The following M1AP variants were observed in gnomAD, a reference collection of about 807,000 sequenced individuals.
M1AP encodes meiosis 1 arrest protein.
A neutral mutation model predicts 51.2 loss-of-function variants in M1AP; 39 were observed. The ratio of observed to expected loss-of-function variants is 0.76; its 90% CI spans 0.59 to 1.00. The LOEUF is 1.00. M1AP is among the 50% of genes least tolerant of loss of function. The pLI is 0.00. For synonymous variants in M1AP, 251 were observed against 249.2 expected, an observed-to-expected ratio of 1.01 and a Z score of -0.07; for missense variants, 545 against 641.2, an observed-to-expected ratio of 0.85 and a Z score of 1.62.
intron 3 of M1AP, among the ~76,000 whole-genome samples, chr2:74,611,058 T>C (rs529342997): frequency 2.8e-4 from 42 of 152,314 alleles, no homozygotes; most frequent in Non-Finnish European, 4.7e-4. Flanking sequence ...ATCTTTTTGA[T>C]GTGCTATTGG....
chr2:74,642,746 T>C (rs17010125), intron 1 of M1AP, among the ~76,000 whole-genome samples: 6,772 of 152,322 alleles, frequency 0.044, 507 homozygotes, highest in African/African-American at 0.15. Flanking sequence ...TTGTCTTTTG[T>C]CAAATTTTAG....
rs771614045 is a variant in M1AP at position 74,558,739 on chromosome 2, C to T, written c.1570G>A (p.Glu524Lys). 6 of 1,612,630 alleles carry T rather than the reference C, an allele frequency of 3.7e-6. No individual in the cohort carries two copies. Among genetic ancestry groups the T allele is most frequent in the Admixed American group, 1.7e-5 (1 of 59,734 alleles). The change falls in exon 11 of 11, where the codon GAG (glutamate) becomes AAG (lysine). Residue 524 changes from glutamate (E) to lysine (K), a missense_variant. Coordinates refer to ENST00000421985, the MANE Select transcript of M1AP (RefSeq NM_001321739.2). The stretch of plus-strand genomic sequence containing the variant: ...ACTTAGGGCCTTGAGGGATCCTTCT[C>T]CCACTCTGAAGGCAGGAAGAAGGCA... ...SDAFFLPSEWEKDPSRP is the reference protein window; with the variant it reads ...SDAFFLPSEWKKDPSRP
chr2:74,579,676 CCTTA>C (rs1177006497), intron 5 of M1AP, among the ~76,000 whole-genome samples: 2 of 151,952 alleles, frequency 1.3e-5, no homozygotes, highest in East Asian at 3.9e-4. Flanking sequence ...CACTCTAAGT[CCTTA>C]CTTACTACTC....
At chr2:74,566,273 G>T (rs952028958) in intron 7 of M1AP, among the ~76,000 whole-genome samples, 4 of 152,186 alleles carry the variant, frequency 2.6e-5, no homozygotes, top group Admixed American at 2.6e-4. Flanking sequence ...ATATCAGAGA[G>T]CTATGGTGCA....
chr2:74,638,367 G>A (rs149594011), intron 2 of M1AP, among the ~76,000 whole-genome samples: 1 of 152,182 alleles, frequency 6.6e-6, no homozygotes, highest in East Asian at 1.9e-4. Context: ...TCTTTGCTGC[G>A]TGATGTCCAG....
rs1001631547 is a variant in M1AP at position 74,586,408 on chromosome 2, G to C, written c.596-4561C>G. 5.3e-5 allele frequency among the ~76,000 whole-genome samples: 8 copies of C among 152,134 alleles called. No individual in the cohort carries two copies. The South Asian group carries it at 1.7e-3, about 31-fold the overall frequency. On this transcript the variant is annotated intron_variant, in intron 4 of 10. Coordinates refer to ENST00000421985, the MANE Select transcript of M1AP (RefSeq NM_001321739.2). ...CATTACTTTTTCCTGTAACTCTTGAGCTTCATCTAAGTTAGTCTCCTTGCC... is the reference window on the plus strand; with the variant it reads ...CATTACTTTTTCCTGTAACTCTTGACCTTCATCTAAGTTAGTCTCCTTGCC...
In M1AP at chr2:74,558,758, G is replaced by C. The variant is rs1677681075; in HGVS notation, c.1551C>G (p.Phe517Leu). 3 of 1,612,810 alleles carry C rather than the reference G, an allele frequency of 1.9e-6. No homozygotes were observed. In the East Asian group the frequency reaches 6.7e-5, roughly 36 times the overall value. ...PAASKSSSDA[F>L]FLPSEWEKDP... is the part of the protein sequence containing the mutation. ...CCTTCTCCCACTCTGAAGGCAGGAA[G>C]AAGGCATCTGAGGAAGATTTGCTGG... The change falls in exon 11 of 11, where the codon TTC (phenylalanine) becomes TTG (leucine). Residue 517 changes from phenylalanine to leucine, a missense_variant. Coordinates refer to ENST00000421985, the MANE Select transcript of M1AP (RefSeq NM_001321739.2).
Position 74,558,759 on chromosome 2 carries a change from A to T in M1AP, c.1550T>A (p.Phe517Tyr). ...CTTCTCCCACTCTGAAGGCAGGAAG[A>T]AGGCATCTGAGGAAGATTTGCTGGC... ...PAASKSSSDA[F>Y]FLPSEWEKDP... Residue 517 changes from phenylalanine to tyrosine, a missense_variant, in exon 11 of 11, where the codon TTC (phenylalanine) becomes TAC (tyrosine). Physicochemically the swap from Phe to Tyr is conservative, Grantham distance 22. Transcript: ENST00000421985. The T allele has an allele frequency of 6.2e-7, 1 of 1,612,688 alleles. No individual in the cohort carries two copies. Among genetic ancestry groups the T allele is most frequent in the Non-Finnish European group, 8.5e-7 (1 of 1,179,510 alleles).
In M1AP at chr2:74,640,379, T is replaced by C. The variant is rs1558701690; in HGVS notation, c.-52-52A>G. ...GGTTTTCAAACTGAATTATGTGTGC[T>C]CTGTTGAAATATAAAATACAAGTCG... On this transcript the variant is annotated intron_variant, in intron 1 of 10. Coordinates refer to ENST00000421985, the MANE Select transcript of M1AP (RefSeq NM_001321739.2). The C allele has an allele frequency of 1.1e-5, 15 of 1,414,762 alleles. No individual in the cohort carries two copies. In the East Asian group the frequency reaches 3.5e-4, roughly 33 times the overall value. The allele number at this position is 1,414,762 out of a possible 1,614,324, so 87.6% of individuals were successfully genotyped here. A position where few individuals can be genotyped will look rare whatever the true frequency, so the allele number is the denominator to read the frequency against.
chr2:74,587,440 C>A (rs899567629), intron 4 of M1AP, among the ~76,000 whole-genome samples: 3 of 152,274 alleles, frequency 2.0e-5, no homozygotes, highest in Middle Eastern at 3.4e-3. Context: ...CCTCGTGATC[C>A]ACCTGCCTTG....
intron 4 of M1AP, among the ~76,000 whole-genome samples, chr2:74,594,776 C>T (rs893992321): frequency 2.0e-5 from 3 of 152,022 alleles, no homozygotes; most frequent in Admixed American, 6.6e-5. Flanking sequence ...ACTTGGGAGA[C>T]GAAAGTGGGA....
rs778064811 is a variant in M1AP at position 74,607,166 on chromosome 2, A to G, written c.484T>C (p.Leu162=). ...KEVVKQLEEG[L]KDTDLARVRR... is the part of the protein sequence containing the mutation. Reference sequence around the variant, plus strand: ...ACTCTGGCTAGGTCTGTATCTTTCAACCCTTCCTCCAACTGTTTGACCACC... The same window carrying G: ...ACTCTGGCTAGGTCTGTATCTTTCAGCCCTTCCTCCAACTGTTTGACCACC... Residue 162 remains leucine, a synonymous_variant, in exon 4 of 11, where the codon TTG becomes CTG. Coordinates refer to ENST00000421985, the MANE Select transcript of M1AP (RefSeq NM_001321739.2). 1 of 1,614,110 alleles carries G rather than the reference A, an allele frequency of 6.2e-7. No homozygotes were observed. The highest frequency in any genetic ancestry group is 1.1e-5 in the South Asian group (1 of 91,078).
intron 7 of M1AP, among the ~76,000 whole-genome samples, chr2:74,570,080 G>A (rs762860346): frequency 1.9e-4 from 29 of 152,098 alleles, no homozygotes; most frequent in South Asian, 2.1e-4. Flanking sequence ...TTGGGCCTCT[G>A]ATAGTGCTTC....
intron 2 of M1AP, chr2:74,620,748 CT>C (rs764743439): frequency 1.4e-5 from 3 of 211,996 alleles, no homozygotes; most frequent in African/African-American, 2.3e-5. Flanking sequence ...TGGAGAGTTA[CT>C]CTTCAGGCCT....
intron 4 of M1AP, 104 bp from the exon 5 acceptor site, chr2:74,581,951 T>A: frequency 9.9e-7 from 1 of 1,012,784 alleles, no homozygotes; most frequent in Non-Finnish European, 1.5e-6. Flanking sequence ...GGGGTCTCAT[T>A]ATGTCACCCA....
chr2:74,626,257 GTTT>G (rs1337799000), intron 2 of M1AP, among the ~76,000 whole-genome samples: 10 of 125,918 alleles, frequency 7.9e-5, no homozygotes, highest in African/African-American at 2.7e-4. Flanking sequence ...CTATATTTCA[GTTT>G]TTTTTTTTTT....
chr2:74,581,184 C>T (rs1400311517), intron 5 of M1AP, among the ~76,000 whole-genome samples: 1 of 152,134 alleles, frequency 6.6e-6, no homozygotes, highest in African/African-American at 2.4e-5. Context: ...CACAGGTTGT[C>T]CTCCCTGGGG....
intron 4 of M1AP, among the ~76,000 whole-genome samples, chr2:74,598,703 T>G (rs936137513): frequency 3.3e-5 from 5 of 150,550 alleles, no homozygotes; most frequent in Non-Finnish European, 5.9e-5. Flanking sequence ...TCATTTATTG[T>G]GGCCTTGACC....
At chr2:74,577,980 T>C (rs1679176186) in intron 5 of M1AP, among the ~76,000 whole-genome samples, 1 of 152,204 alleles carries the variant, frequency 6.6e-6, no homozygotes, top group Admixed American at 6.5e-5. Flanking sequence ...TCATCAGGCA[T>C]TAGTTAGATT....
Sources: allele counts gnomAD v4.1 joint callset (sites outside exome capture counted in the v4.1 genomes callset), GRCh38; gene constraint gnomAD v4.1.1; transcripts MANE v1.5; gene names NCBI Gene and HGNC (gene_info 2026-07-23, HGNC 2026-07-21).